The following MINDY2 variants were observed in gnomAD, a reference collection of about 807,000 sequenced individuals.
MINDY2 encodes the protein MINDY lysine 48 deubiquitinase 2.
MINDY2 carries 52 observed loss-of-function variants against 68.2 expected under a neutral mutation model. That is an observed-to-expected ratio of 0.76 (90% CI 0.61 to 0.96). MINDY2 has a LOEUF of 0.96. Ranked by LOEUF, MINDY2 falls within the 40% of genes least tolerant of loss-of-function variation. MINDY2 has a pLI of 0.00. For missense variants in MINDY2, 881 were observed against 773.4 expected, an observed-to-expected ratio of 1.14 and a Z score of -1.65; for synonymous variants, 372 against 303.0, an observed-to-expected ratio of 1.23 and a Z score of -2.36.
intron 2 of MINDY2, among the ~76,000 whole-genome samples, chr15:58,801,517 A>G (rs1480033564): frequency 1.3e-5 from 2 of 152,006 alleles, no homozygotes; most frequent in African/African-American, 2.4e-5. Flanking sequence ...ATTGTGATCC[A>G]TATTTTTAAA....
At chr15:58,773,944 A>G (rs1356065491) in intron 1 of MINDY2, among the ~76,000 whole-genome samples, 2 of 152,206 alleles carry the variant, frequency 1.3e-5, no homozygotes, top group Non-Finnish European at 2.9e-5. Context: ...AGGGCCCTCA[A>G]CTAGGGAGTT....
intron 5 of MINDY2, among the ~76,000 whole-genome samples, chr15:58,829,091 A>G (rs2031577310): frequency 6.6e-6 from 1 of 152,178 alleles, no homozygotes; most frequent in South Asian, 2.1e-4. Context: ...TAAGTTTACA[A>G]ATAAATAAAC....
At chr15:58,791,376 T>C (rs2042660177) in intron 2 of MINDY2, among the ~76,000 whole-genome samples, 1 of 151,110 alleles carries the variant, frequency 6.6e-6, no homozygotes, top group Non-Finnish European at 1.5e-5. Context: ...GTCCTCAAGC[T>C]CTTAAAATGT....
At chr15:58,835,595 G>T (rs2031956308) in intron 6 of MINDY2, among the ~76,000 whole-genome samples, 1 of 152,184 alleles carries the variant, frequency 6.6e-6, no homozygotes, top group African/African-American at 2.4e-5. Flanking sequence ...GGAGGTTGCA[G>T]TGAACTGAGA....
chr15:58,823,242 A>T (rs1250620929), intron 5 of MINDY2, among the ~76,000 whole-genome samples: 2 of 150,414 alleles, frequency 1.3e-5, no homozygotes, highest in Admixed American at 1.3e-4. Flanking sequence ...GGATGAAGCC[A>T]TTCTCCTTCC....
chr15:58,834,219 A>G (rs2031884853), intron 6 of MINDY2, among the ~76,000 whole-genome samples: 1 of 152,188 alleles, frequency 6.6e-6, no homozygotes, highest in South Asian at 2.1e-4. Flanking sequence ...TTCTTAATAC[A>G]GAACAAAATG....
chr15:58,795,714 G>GT (rs1359628245), intron 2 of MINDY2, among the ~76,000 whole-genome samples: 3 of 151,970 alleles, frequency 2.0e-5, no homozygotes, highest in Non-Finnish European at 4.4e-5. Flanking sequence ...TATCGTATGT[G>GT]TTTTTTTGTA....
rs142732750 is a variant in MINDY2 at position 58,772,464 on chromosome 15, A to G, written c.840+229A>G. ...CTCTTGTAGTGTTTAAGAGTTCAAC[A>G]TTCAATTGTGGTTGATACACTTAGA... On this transcript the variant is annotated intron_variant, in intron 1 of 8. Coordinates refer to ENST00000559228, the MANE Select transcript of MINDY2 (RefSeq NM_001040450.3). Among the ~76,000 whole-genome samples, 892 of 152,334 alleles carry G rather than the reference A, an allele frequency of 5.9e-3. 44 individuals carry two copies. The highest frequency in any genetic ancestry group is 0.051 in the Admixed American group (786 of 15,296).
intron 6 of MINDY2, among the ~76,000 whole-genome samples, chr15:58,843,529 A>G (rs183843521): frequency 5.9e-5 from 9 of 152,278 alleles, no homozygotes; most frequent in Admixed American, 2.0e-4. Context: ...TTGGATCACA[A>G]AAGAACACGG....
Position 58,772,006 on chromosome 15 carries a change from A to T in MINDY2, c.611A>T (p.Glu204Val). Residue 204 changes from glutamate to valine, a missense_variant, in exon 1 of 9, where the codon GAG becomes GTG. By Grantham distance (121) the Glu-to-Val change is moderately radical. Transcript: ENST00000559228. ...GGAGCGGAGAACAGGGTCCCTGAGG[A>T]GGAGGAGGGCGCGGCGGTGTTGCCC... Reference protein sequence around the residue: ...EEGAENRVPEEEEGAAVLPGA... With the variant: ...EEGAENRVPEVEEGAAVLPGA... 6.3e-7 allele frequency: 1 copy of T among 1,593,782 alleles called. No homozygotes were observed. The highest frequency in any genetic ancestry group is 8.5e-7 in the Non-Finnish European group (1 of 1,170,636).
At chr15:58,774,772 A>G (rs777903757) in intron 1 of MINDY2, among the ~76,000 whole-genome samples, 4 of 152,190 alleles carry the variant, frequency 2.6e-5, no homozygotes, top group Middle Eastern at 6.3e-3. Flanking sequence ...CTGAAGCAGA[A>G]AAGGGTTTCT....
intron 1 of MINDY2, among the ~76,000 whole-genome samples, chr15:58,785,302 A>G (rs1258852674): frequency 6.6e-6 from 1 of 152,164 alleles, no homozygotes. Flanking sequence ...TCAGGAAATG[A>G]ATATACTACT....
chr15:58,845,043 G>GA (rs1377768468), intron 6 of MINDY2, among the ~76,000 whole-genome samples: 56 of 145,568 alleles, frequency 3.8e-4, no homozygotes, highest in African/African-American at 6.8e-4. Flanking sequence ...CAGCTCTCTA[G>GA]AAAAAAAAAA....
chr15:58,826,528 C>T lies in MINDY2; in HGVS notation c.1225+4709C>T, dbSNP rs2031408649. Among the ~76,000 whole-genome samples the T allele has an allele frequency of 3.9e-5, 6 of 152,006 alleles. No individual in the cohort carries two copies. The South Asian group carries it at 1.0e-3, about 26-fold the overall frequency. ...ACAGACATGAGCCACTGCACCTGGCCCCACACACTCTTTTTCCCTAAATCT... is the reference window on the plus strand; with the variant it reads ...ACAGACATGAGCCACTGCACCTGGCTCCACACACTCTTTTTCCCTAAATCT... On this transcript the variant is annotated intron_variant, in intron 5 of 8. Transcript: ENST00000559228.
intron 1 of MINDY2, among the ~76,000 whole-genome samples, chr15:58,783,620 T>G (rs1186347406): frequency 6.6e-6 from 1 of 152,164 alleles, no homozygotes; most frequent in East Asian, 1.9e-4. Context: ...CAAATTTACT[T>G]TACTCTTTAG....
intron 2 of MINDY2, among the ~76,000 whole-genome samples, chr15:58,792,032 C>T (rs765747983): frequency 1.3e-5 from 2 of 152,012 alleles, no homozygotes; most frequent in African/African-American, 2.4e-5. Flanking sequence ...TCAAATGCTG[C>T]TAATAGCTCA....
At chr15:58,837,247 T>C (rs1243871833) in intron 6 of MINDY2, among the ~76,000 whole-genome samples, 2 of 152,158 alleles carry the variant, frequency 1.3e-5, no homozygotes, top group African/African-American at 4.8e-5. Context: ...CCCCAGAGAA[T>C]GTGTGATTTA....
intron 2 of MINDY2, among the ~76,000 whole-genome samples, chr15:58,800,308 A>G (rs1902557085): frequency 6.6e-6 from 1 of 152,148 alleles, no homozygotes; most frequent in Admixed American, 6.5e-5. Context: ...TTTACCTGCA[A>G]ACTGTATCAT....
At position 58,855,874 on chromosome 15, in the gene MINDY2, C is replaced by G; in HGVS notation, c.*1264C>G. The G allele has an allele frequency of 6.6e-6, 1 of 152,274 alleles. No homozygotes were observed. Among genetic ancestry groups the G allele is most frequent in the East Asian group, 1.9e-4 (1 of 5,192 alleles). The allele number at this position is 152,274 out of a possible 1,614,324, so 9.4% of individuals were successfully genotyped here. A position where few individuals can be genotyped will look rare whatever the true frequency, so the allele number is the denominator to read the frequency against. The stretch of plus-strand genomic sequence containing the variant: ...GGCAGAGGTTGCAGTGAGCCGAGAT[C>G]GCCCTGCTGCACTCCAGCCTGGGTG... On this transcript the variant is annotated 3_prime_UTR_variant, in exon 9 of 9. Transcript: ENST00000559228.
Sources: gnomAD v4.1 joint callset for allele counts (sites outside exome capture counted in the v4.1 genomes callset) on GRCh38, gnomAD v4.1.1 for gene constraint, MANE v1.5 for transcripts, NCBI Gene and HGNC (gene_info 2026-07-23, HGNC 2026-07-21) for gene names.